PMP22: variants seen among roughly 807,000 people sequenced by gnomAD.
PMP22 encodes Charcot-Marie-Tooth neuropathy 1A (greatly reduced nerve conduction velocity, hereditary motor sensory neuropathy Ia).
PMP22 carries 2 observed loss-of-function variants against 18.9 expected under a neutral mutation model. The observed-to-expected ratio is 0.11, with a 90% confidence interval of 0.04 to 0.33. PMP22 has a LOEUF of 0.33. PMP22 is among the 10% of genes least tolerant of loss of function. PMP22 has a pLI of 1.00. For missense variants in PMP22, 169 were observed against 202.2 expected, an observed-to-expected ratio of 0.84 and a Z score of 1.00; for synonymous variants, 95 against 89.2, an observed-to-expected ratio of 1.07 and a Z score of -0.37.
At position 15,258,080 on chromosome 17, in the gene PMP22, C is replaced by T. The variant is rs138521798; in HGVS notation, c.178+1014G>A. 6.1e-4 allele frequency among the ~76,000 whole-genome samples: 93 copies of T among 152,256 alleles called. 1 individual carries two copies. In the East Asian group the frequency reaches 0.018, roughly 29 times the overall value. On this transcript the variant is annotated intron_variant, in intron 3 of 4. Coordinates refer to ENST00000312280, the MANE Select transcript of PMP22 (RefSeq NM_000304.4). The surrounding 1 kb of genome is among the most constrained non-coding windows in gnomAD (Gnocchi z 4.1). ...GAACTGGATCTAAACTGGTTTCTCT[C>T]GTCTGGTGTAGCATCTTGAACATAT...
At chr17:15,240,835 A>G (rs1907257859) in intron 3 of PMP22, among the ~76,000 whole-genome samples, 1 of 152,176 alleles carries the variant, frequency 6.6e-6, no homozygotes. Context: ...CATACCTTCA[A>G]TGCTTCACCC....
chr17:15,247,133 G>A (rs1251231578), intron 3 of PMP22, among the ~76,000 whole-genome samples: 1 of 146,540 alleles, frequency 6.8e-6, no homozygotes, highest in Non-Finnish European at 1.5e-5. Context: ...ACTTTGGGAG[G>A]CCAAGGCGGG....
At chr17:15,239,366 T>C in intron 4 of PMP22, 105 bp downstream of exon 4, 1 of 1,298,538 alleles carries the variant, frequency 7.7e-7, no homozygotes, top group African/African-American at 1.5e-5. Flanking sequence ...GTGGGGAGAC[T>C]CATGAACATC....
At chr17:15,264,658 A>G (rs55568) in intron 1 of PMP22, among the ~76,000 whole-genome samples, 86,915 of 152,014 alleles carry the variant, frequency 0.57, 25,275 homozygotes, top group African/African-American at 0.7. Flanking sequence ...CACACCATAT[A>G]CTGCCAGACA....
At chr17:15,239,770 C>T (rs1463501130) in intron 3 of PMP22, among the ~76,000 whole-genome samples, 159 bp from the exon 4 acceptor site, 1 of 152,196 alleles carries the variant, frequency 6.6e-6, no homozygotes, top group Admixed American at 6.5e-5. Flanking sequence ...AGACAATTCA[C>T]TTTTGCAATC....
At chr17:15,235,290 G>A (rs530588239) in intron 4 of PMP22, 53 of 717,460 alleles carry the variant, frequency 7.4e-5, no homozygotes, top group African/African-American at 4.7e-4. Context: ...TGATTCTGCC[G>A]AGGAAACACA....
intron 3 of PMP22, among the ~76,000 whole-genome samples, chr17:15,250,220 G>C (rs1328915430): frequency 6.6e-6 from 1 of 152,064 alleles, no homozygotes; most frequent in Admixed American, 6.5e-5. Context: ...GCCCAGCCGA[G>C]GTAATTTCTT....
At chr17:15,251,291 C>G (rs75889666) in intron 3 of PMP22, among the ~76,000 whole-genome samples, 2,687 of 152,246 alleles carry the variant, frequency 0.018, 72 homozygotes, top group African/African-American at 0.059. Flanking sequence ...CTATTTGTTT[C>G]CTGCAGAGCA....
intron 3 of PMP22, among the ~76,000 whole-genome samples, chr17:15,240,549 T>C (rs528781301): frequency 6.6e-6 from 1 of 152,088 alleles, no homozygotes; most frequent in Admixed American, 6.6e-5. Context: ...AGCTTCCAAC[T>C]GAAATTCAGG....
At chr17:15,234,187 G>T (rs949761697) in intron 4 of PMP22, among the ~76,000 whole-genome samples, 1 of 152,164 alleles carries the variant, frequency 6.6e-6, no homozygotes, top group Non-Finnish European at 1.5e-5. Flanking sequence ...GCTGTGGGGT[G>T]AGGGAGAGAG....
intron 3 of PMP22, 72 bp from the exon 4 acceptor site, chr17:15,239,683 C>A (rs1442112346): frequency 1.4e-5 from 21 of 1,511,086 alleles, no homozygotes; most frequent in Non-Finnish European, 1.9e-5. Context: ...AGGTGCAGGG[C>A]CTGAAGGGCC....
intron 4 of PMP22, among the ~76,000 whole-genome samples, chr17:15,237,785 C>T (rs1485201054): frequency 6.6e-6 from 1 of 152,212 alleles, no homozygotes; most frequent in Middle Eastern, 3.4e-3. Context: ...ATTTTTTTCA[C>T]ATCAGATGGG....
chr17:15,263,831 C>T (rs919105076), intron 1 of PMP22, among the ~76,000 whole-genome samples: 1 of 152,144 alleles, frequency 6.6e-6, no homozygotes, highest in Non-Finnish European at 1.5e-5. Context: ...TTACAGTGCC[C>T]GTTATATGCC....
chr17:15,255,857 CT>C (rs1157131173), intron 3 of PMP22, among the ~76,000 whole-genome samples: 1 of 152,196 alleles, frequency 6.6e-6, no homozygotes, highest in African/African-American at 2.4e-5. Context: ...GCCTGCCTCC[CT>C]TTGGGCACCT....
At chr17:15,235,911 C>T (rs1597603399) in intron 4 of PMP22, among the ~76,000 whole-genome samples, 1 of 151,994 alleles carries the variant, frequency 6.6e-6, no homozygotes, top group South Asian at 2.1e-4. Context: ...CGCACCACCA[C>T]GCCTGGCTAT....
chr17:15,238,562 A>G (rs1907006086), intron 4 of PMP22, among the ~76,000 whole-genome samples: 1 of 152,236 alleles, frequency 6.6e-6, no homozygotes, highest in African/African-American at 2.4e-5. Flanking sequence ...CCACCACTAC[A>G]TCTAGCTCTT....
At chr17:15,243,175 A>G (rs2150682577) in intron 3 of PMP22, among the ~76,000 whole-genome samples, 1 of 152,326 alleles carries the variant, frequency 6.6e-6, no homozygotes, top group South Asian at 2.1e-4. Flanking sequence ...TATGGATAAA[A>G]GCACAGACTA....
At chr17:15,244,266 G>A (rs1262572020) in intron 3 of PMP22, among the ~76,000 whole-genome samples, 2 of 151,956 alleles carry the variant, frequency 1.3e-5, no homozygotes, top group Admixed American at 1.3e-4. Context: ...AAAAAAAATG[G>A]ATAATATCAG....
intron 1 of PMP22, among the ~76,000 whole-genome samples, chr17:15,264,427 C>T (rs952059918): frequency 3.3e-5 from 5 of 152,236 alleles, no homozygotes; most frequent in African/African-American, 1.2e-4. Context: ...TTAACCAACA[C>T]TTATGTGATC....
Sources: allele counts gnomAD v4.1 joint callset (sites outside exome capture counted in the v4.1 genomes callset), GRCh38; gene constraint gnomAD v4.1.1; non-coding constraint Gnocchi (gnomAD v3.1); transcripts MANE v1.5; gene names NCBI Gene and HGNC (gene_info 2026-07-23, HGNC 2026-07-21).